ZCCHC14: variants seen among roughly 807,000 people sequenced by gnomAD.
ZCCHC14 encodes the protein zinc finger CCHC-type containing 14.
Under a neutral mutation model 85.0 loss-of-function variants are expected in ZCCHC14, and 16 were observed. That is an observed-to-expected ratio of 0.19 (90% CI 0.13 to 0.29). ZCCHC14 has a LOEUF of 0.29. Among genes scored for constraint, ZCCHC14 ranks in the 10% least tolerant of loss-of-function variants. The probability of loss-of-function intolerance (pLI) is 1.00; values close to 1 mark genes in which losing one functional copy is unlikely to be tolerated. For synonymous variants in ZCCHC14, 775 were observed against 630.7 expected (o/e 1.23, Z -3.43); for missense variants, 1,303 against 1,443.5 (o/e 0.90, Z 1.58).
intron 2 of ZCCHC14, among the ~76,000 whole-genome samples, chr16:87,444,046 A>T (rs1438967495): frequency 6.9e-6 from 1 of 145,580 alleles, no homozygotes; most frequent in African/African-American, 2.5e-5. Flanking sequence ...CAGAAAAAAA[A>T]AAAAAAAAAA....
chr16:87,428,617 T>A (rs1909493131), intron 3 of ZCCHC14, among the ~76,000 whole-genome samples: 1 of 152,242 alleles, frequency 6.6e-6, no homozygotes, highest in South Asian at 2.1e-4. Context: ...GGGGTCCATC[T>A]GCTGTTCTGA....
At chr16:87,435,748 G>C (rs1909891885) in intron 2 of ZCCHC14, among the ~76,000 whole-genome samples, 3 of 152,238 alleles carry the variant, frequency 2.0e-5, no homozygotes, top group Admixed American at 2.0e-4. Flanking sequence ...ACTCGCTTTA[G>C]AGTTCTTTAA....
chr16:87,476,127 A>C (rs7187294), intron 1 of ZCCHC14, among the ~76,000 whole-genome samples: 151,333 of 152,308 alleles, frequency 0.99, 75,196 homozygotes, highest in Middle Eastern at 1. Context: ...GTGCAAACAT[A>C]CTTCAATAGC....
intron 1 of ZCCHC14, among the ~76,000 whole-genome samples, chr16:87,475,477 C>T (rs1911961919): frequency 6.6e-6 from 1 of 150,394 alleles, no homozygotes; most frequent in Non-Finnish European, 1.5e-5. Context: ...CGCTTGAACC[C>T]AGGAGTCGGA....
At position 87,491,709 on chromosome 16, in the gene ZCCHC14, C is replaced by A; in HGVS notation, c.530G>T (p.Gly177Val). ...GCAAGTGGGCAGCGCGCCGCCCGGC[C>A]CGGGCGCGCCCTTGCCGCCGTGGCC... ...GGGHGGKGAP[G>V]PGGALPTCPA... Residue 177 changes from glycine to valine, a missense_variant, in exon 1 of 13, where the codon GGG becomes GTG. Physicochemically the swap from Gly to Val is moderately radical, Grantham distance 109 (BLOSUM62 -3). This residue lies in a region of ZCCHC14 where 389 missense variants were observed against 397.8 expected (regional missense o/e 0.98). Transcript: ENST00000671377. The surrounding 1 kb of genome is among the most constrained non-coding windows in gnomAD (Gnocchi z 5.9). The A allele has an allele frequency of 1.3e-6, 2 of 1,499,978 alleles. No homozygotes were observed. The highest frequency in any genetic ancestry group is 1.8e-6 in the Non-Finnish European group (2 of 1,132,926). 92.9% of individuals were successfully genotyped at this position (1,499,978 alleles called of 1,614,324 possible).
intron 1 of ZCCHC14, chr16:87,472,906 G>T (rs1470183423): frequency 6.6e-6 from 1 of 152,206 alleles, no homozygotes; most frequent in East Asian, 1.9e-4. Context: ...ACAGATGGGG[G>T]TCTCCCTATG....
At position 87,476,230 on chromosome 16, in the gene ZCCHC14, C is replaced by T. The variant is rs567869731; in HGVS notation, c.570+15439G>A. On this transcript the variant is annotated intron_variant, in intron 1 of 12. Transcript: ENST00000671377. ...TCCCGAAAATACTAAAGTGAGTTTG[C>T]CAGACTGAAAGGATATGGTAACAAA... Among the ~76,000 whole-genome samples the T allele has an allele frequency of 3.9e-5, 6 of 152,160 alleles. No homozygotes were observed. The South Asian group carries it at 1.2e-3, about 32-fold the overall frequency.
Position 87,412,369 on chromosome 16 carries a change from A to C in ZCCHC14, c.2352T>G (p.Ala784=). The C allele has an allele frequency of 6.2e-7, 1 of 1,614,208 alleles. No homozygotes were observed. Among genetic ancestry groups the C allele is most frequent in the Non-Finnish European group, 8.5e-7 (1 of 1,180,044 alleles). The change falls in exon 12 of 13, where the codon GCT becomes GCG. Residue 784 remains alanine, a synonymous_variant. Coordinates refer to ENST00000671377, the MANE Select transcript of ZCCHC14 (RefSeq NM_015144.3). ...IKLLLSSSVP[A]DSAISGQTSC... ...AAGTTTGCCCAGAAATGGCAGAATC[A>C]GCAGGAACAGATGACGACAGCAGCA...
At chr16:87,467,266 T>G (rs1206058008) in intron 1 of ZCCHC14, 2 of 1,577,866 alleles carry the variant, frequency 1.3e-6, no homozygotes, top group African/African-American at 2.7e-5. Flanking sequence ...AACCCAAAAT[T>G]AAGGATAATG....
At chr16:87,434,819 G>C (rs1399697673) in intron 2 of ZCCHC14, among the ~76,000 whole-genome samples, 1 of 152,024 alleles carries the variant, frequency 6.6e-6, no homozygotes, top group Non-Finnish European at 1.5e-5. Context: ...GTGAATCCCT[G>C]TCTCTACTGA....
intron 1 of ZCCHC14, among the ~76,000 whole-genome samples, chr16:87,463,432 G>T (rs900898063): frequency 1.3e-5 from 2 of 152,200 alleles, no homozygotes; most frequent in African/African-American, 4.8e-5. Flanking sequence ...TTGGCCTGAT[G>T]CATGAACCTC....
chr16:87,430,840 G>C (rs992978538), intron 3 of ZCCHC14, among the ~76,000 whole-genome samples: 3 of 151,364 alleles, frequency 2.0e-5, no homozygotes, highest in African/African-American at 7.3e-5. Context: ...GAATCAACTT[G>C]ATTTCTAAAA....
At position 87,411,810 on chromosome 16, in the gene ZCCHC14, C is replaced by T. The variant is rs745859318; in HGVS notation, c.2911G>A (p.Gly971Ser). The change falls in exon 12 of 13, where the codon GGC (glycine) becomes AGC (serine). Residue 971 changes from glycine to serine, a missense_variant. Around this residue, in one of 7 missense-constraint regions of ZCCHC14, gnomAD observed 797 missense variants for 730.8 expected, o/e 1.09. Coordinates refer to ENST00000671377, the MANE Select transcript of ZCCHC14 (RefSeq NM_015144.3). The part of the protein sequence containing the change: ...FLPFSPMCSS[G>S]YVSAQQYGGG... ...CCGTACTGCTGGGCGCTGACGTAGCCGCTGCTGCACATGGGACTGAAGGGC... is the reference window on the plus strand; with the variant it reads ...CCGTACTGCTGGGCGCTGACGTAGCTGCTGCTGCACATGGGACTGAAGGGC... 12 of 1,611,722 alleles carry T rather than the reference C, an allele frequency of 7.4e-6. No individual in the cohort carries two copies. The highest frequency in any genetic ancestry group is 4.0e-5 in the African/African-American group (3 of 74,846).
intron 12 of ZCCHC14, 142 bp downstream of exon 12, chr16:87,411,374 T>A: frequency 6.6e-7 from 1 of 1,510,728 alleles, no homozygotes; most frequent in African/African-American, 1.4e-5. Context: ...CGGCCTATCA[T>A]GAAGATTTCC....
At chr16:87,469,114 T>C (rs1159802270) in intron 1 of ZCCHC14, among the ~76,000 whole-genome samples, 1 of 152,198 alleles carries the variant, frequency 6.6e-6, no homozygotes, top group African/African-American at 2.4e-5. Context: ...ACATGGTCTA[T>C]GTTGCCCAGG....
At chr16:87,418,067 G>T (rs902058326) in intron 7 of ZCCHC14, 2 of 341,936 alleles carry the variant, frequency 5.8e-6, no homozygotes, top group African/African-American at 2.1e-5. Context: ...GTATGTGTAC[G>T]TCTCTGTCCC....
chr16:87,472,202 C>A (rs1386277282), intron 1 of ZCCHC14: 1 of 152,204 alleles, frequency 6.6e-6, no homozygotes, highest in Non-Finnish European at 1.5e-5. Context: ...TACAGTCAGA[C>A]CCTCGGGAGG....
At chr16:87,454,531 C>A (rs1910858909) in intron 2 of ZCCHC14, among the ~76,000 whole-genome samples, 1 of 152,072 alleles carries the variant, frequency 6.6e-6, no homozygotes, top group African/African-American at 2.4e-5. Context: ...CCATAATTAG[C>A]CAGAATGAAG....
intron 1 of ZCCHC14, among the ~76,000 whole-genome samples, chr16:87,490,706 C>A (rs867938414): frequency 1.3e-5 from 2 of 152,242 alleles, no homozygotes; most frequent in Non-Finnish European, 2.9e-5. Flanking sequence ...ATAGGTTTCA[C>A]GGGCATTTAA....
Sources: allele counts gnomAD v4.1 joint callset (sites outside exome capture counted in the v4.1 genomes callset), GRCh38; gene constraint gnomAD v4.1.1; regional missense constraint gnomAD v4.1.1; non-coding constraint Gnocchi (gnomAD v3.1); transcripts MANE v1.5; gene names NCBI Gene and HGNC (gene_info 2026-07-23, HGNC 2026-07-21).